The following NUP153 variants were observed in gnomAD, a reference collection of about 807,000 sequenced individuals.
NUP153 encodes nucleoporin 153.
In NUP153, 27 loss-of-function variants were observed where a neutral mutation model predicts 134.6. The ratio of observed to expected loss-of-function variants is 0.20; its 90% confidence interval spans 0.15 to 0.28. The LOEUF (loss-of-function observed/expected upper bound fraction) is 0.28, where lower values mean the gene tolerates loss of function less well. Ranked by LOEUF, NUP153 falls within the 10% of genes least tolerant of loss-of-function variation. NUP153 has a pLI of 1.00. For missense variants in NUP153, 1,821 were observed against 1,731.3 expected (o/e 1.05, Z -0.92); for synonymous variants, 640 against 623.5 (o/e 1.03, Z -0.40).
intron 1 of NUP153, among the ~76,000 whole-genome samples, 181 bp from the exon 2 acceptor site, chr6:17,688,799 T>C (rs889950170): frequency 1.3e-5 from 2 of 152,172 alleles, no homozygotes; most frequent in Non-Finnish European, 2.9e-5. Flanking sequence ...GTGAAATTCT[T>C]TCTTTCTTCT....
In NUP153 at chr6:17,615,693, A is replaced by T. The variant is rs557284003; in HGVS notation, c.*404T>A. 6.3e-6 allele frequency: 1 copy of T among 158,766 alleles called. No homozygotes were observed. Among genetic ancestry groups the T allele is most frequent in the Non-Finnish European group, 1.4e-5 (1 of 72,280 alleles). The allele number at this position is 158,766 out of a possible 1,614,324, so 9.8% of individuals were successfully genotyped here. A position where few individuals can be genotyped will look rare whatever the true frequency, so the allele number is the denominator to read the frequency against. Reference sequence around the variant, plus strand: ...CACTCTCTAATCTATACAGAATTCTAATCTATACAGAATTCCTCAGATATA... The same window carrying T: ...CACTCTCTAATCTATACAGAATTCTTATCTATACAGAATTCCTCAGATATA... On this transcript the variant is annotated 3_prime_UTR_variant, in exon 22 of 22. Coordinates refer to ENST00000262077, the MANE Select transcript of NUP153 (RefSeq NM_005124.4). This position sits in a 1 kb window ranked among gnomAD's most constrained non-coding sequence, Gnocchi z 5.7.
chr6:17,698,065 T>C (rs1209272397), intron 1 of NUP153, among the ~76,000 whole-genome samples: 3 of 152,334 alleles, frequency 2.0e-5, no homozygotes, highest in Middle Eastern at 3.4e-3. Flanking sequence ...CTTTCTCAAA[T>C]AGTTTCACTG....
At chr6:17,657,794 A>C (rs1449496716) in intron 11 of NUP153, among the ~76,000 whole-genome samples, 1 of 152,224 alleles carries the variant, frequency 6.6e-6, no homozygotes, top group Non-Finnish European at 1.5e-5. Context: ...GTTGGTGCAA[A>C]CGTAATTGCA....
At chr6:17,621,959 A>C (rs546374292) in intron 20 of NUP153, among the ~76,000 whole-genome samples, 1 of 152,142 alleles carries the variant, frequency 6.6e-6, no homozygotes, top group East Asian at 1.9e-4. Context: ...AAAACTTTAA[A>C]ATATTTTTTT....
chr6:17,650,031 T>C (rs901400925), intron 11 of NUP153, among the ~76,000 whole-genome samples: 2 of 152,188 alleles, frequency 1.3e-5, no homozygotes, highest in Admixed American at 1.3e-4. Flanking sequence ...AAGAGCACCC[T>C]AAGTCTCCAA....
rs766226481 is a variant in NUP153 at position 17,637,752 on chromosome 6, A to G, written c.1865T>C (p.Ile622Thr). The G allele has an allele frequency of 6.3e-7, 1 of 1,599,676 alleles. No homozygotes were observed. Among genetic ancestry groups the G allele is most frequent in the Admixed American group, 1.7e-5 (1 of 59,674 alleles). ...GGTGGGCTGAGCAGCAACAGAATCT[A>G]TCTTCGGCGATGCGAAACCTACAAT... ...LKSPGFASPK[I>T]DSVAAQPTAT... The change falls in exon 16 of 22, where the codon ATA (isoleucine) becomes ACA (threonine). Residue 622 changes from isoleucine to threonine, a missense_variant. Ile to Thr is a moderately conservative substitution (Grantham distance 89). Transcript: ENST00000262077.
intron 16 of NUP153, among the ~76,000 whole-genome samples, chr6:17,633,934 T>A (rs548124511): frequency 6.9e-6 from 1 of 145,960 alleles, no homozygotes; most frequent in East Asian, 2.1e-4. Flanking sequence ...CAAAAAACAG[T>A]TTCCTAATCT....
intron 9 of NUP153, among the ~76,000 whole-genome samples, chr6:17,664,308 T>C (rs1262295565): frequency 2.0e-5 from 3 of 152,090 alleles, no homozygotes; most frequent in Non-Finnish European, 2.9e-5. Flanking sequence ...CACCACTTTA[T>C]TTATAAAGTG....
At chr6:17,691,531 G>A (rs377664157) in intron 1 of NUP153, among the ~76,000 whole-genome samples, 2 of 152,182 alleles carry the variant, frequency 1.3e-5, no homozygotes, top group Admixed American at 6.5e-5. Flanking sequence ...TTGGGAGGCC[G>A]AGTCTGGTGG....
At position 17,678,352 on chromosome 6, in the gene NUP153, C is replaced by CAA. The variant is rs11428582; in HGVS notation, c.335-2584_335-2583dup. ...GCCTGGTTGACAGAACCCTCTGTCT[C>CAA]AAAAAAAAAAAAAAAAAAAAAAAGA... On this transcript the variant is annotated intron_variant, in intron 2 of 21. Transcript: ENST00000262077. 5.5e-3 allele frequency among the ~76,000 whole-genome samples: 370 copies of CAA among 67,052 alleles called. 6 individuals are homozygous for CAA. Among genetic ancestry groups the CAA allele is most frequent in the South Asian group, 9.0e-3 (16 of 1,786 alleles). 44.0% of individuals were successfully genotyped at this position (67,052 alleles called of 152,430 possible).
chr6:17,706,146 C>G lies in NUP153; in HGVS notation c.111+131G>C. 1 of 724,288 alleles carries G rather than the reference C, an allele frequency of 1.4e-6. No individual in the cohort carries two copies. Among genetic ancestry groups the G allele is most frequent in the East Asian group, 2.7e-5 (1 of 36,600 alleles). The allele number at this position is 724,288 out of a possible 1,614,324, so 44.9% of individuals were successfully genotyped here. On this transcript the variant is annotated intron_variant, in intron 1 of 21. Transcript: ENST00000262077. This position sits in a 1 kb window ranked among gnomAD's most constrained non-coding sequence, Gnocchi z 5.9. ...CCACCCCCAACGGCCTGAGCTCCCCCGGAGCCTCACTCGGGCCTTTCCTCA... is the reference window on the plus strand; with the variant it reads ...CCACCCCCAACGGCCTGAGCTCCCCGGGAGCCTCACTCGGGCCTTTCCTCA...
chr6:17,674,846 C>T, intron 5 of NUP153, 59 bp downstream of exon 5: 1 of 1,233,686 alleles, frequency 8.1e-7, no homozygotes, highest in Non-Finnish European at 1.1e-6. Context: ...ATTTATTATC[C>T]AGTTAAAGTG....
chr6:17,668,677 T>C (rs1055860455), intron 8 of NUP153, among the ~76,000 whole-genome samples: 1 of 151,768 alleles, frequency 6.6e-6, no homozygotes, highest in African/African-American at 2.4e-5. Flanking sequence ...ACCCTATCTC[T>C]ACTAAAAATA....
chr6:17,654,705 GA>G (rs996628332), intron 11 of NUP153, among the ~76,000 whole-genome samples: 8 of 151,612 alleles, frequency 5.3e-5, no homozygotes, highest in Non-Finnish European at 1.0e-4. Flanking sequence ...AATCTAAGAG[GA>G]AAAAAAAGCC....
chr6:17,636,718 T>C (rs1351590583), intron 16 of NUP153, among the ~76,000 whole-genome samples: 1 of 152,206 alleles, frequency 6.6e-6, no homozygotes, highest in Non-Finnish European at 1.5e-5. Flanking sequence ...TTTACAATCA[T>C]TGCAACAGCT....
chr6:17,686,989 C>CA (rs915490275), intron 2 of NUP153, among the ~76,000 whole-genome samples: 3 of 151,784 alleles, frequency 2.0e-5, no homozygotes, highest in Admixed American at 6.6e-5. Flanking sequence ...AGAAGTTATA[C>CA]AAAAAAGCTT....
rs759295538 is a variant in NUP153, at chr6:17,661,080, C to T, written c.1395+573G>A. Among the ~76,000 whole-genome samples the T allele has an allele frequency of 2.0e-5, 3 of 152,054 alleles. No homozygotes were observed. The East Asian group carries it at 5.8e-4, about 29-fold the overall frequency. The stretch of plus-strand genomic sequence containing the variant: ...CTGTAATCCCAGCACTTTGCAAGGC[C>T]GAGGCAGGTGGATCACTTGACATCA... On this transcript the variant is annotated intron_variant, in intron 11 of 21. Coordinates refer to ENST00000262077, the MANE Select transcript of NUP153 (RefSeq NM_005124.4).
intron 11 of NUP153, among the ~76,000 whole-genome samples, chr6:17,650,126 T>C (rs1766428873): frequency 6.6e-6 from 1 of 152,166 alleles, no homozygotes; most frequent in African/African-American, 2.4e-5. Flanking sequence ...TTTAGATATA[T>C]GATAAACTCT....
At chr6:17,647,486 C>G (rs1172277916) in intron 13 of NUP153, among the ~76,000 whole-genome samples, 3 of 152,136 alleles carry the variant, frequency 2.0e-5, no homozygotes, top group Non-Finnish European at 4.4e-5. Context: ...TATATCATGT[C>G]AAATTTCTTG....
Sources: gnomAD v4.1 joint callset for allele counts (sites outside exome capture counted in the v4.1 genomes callset) on GRCh38, gnomAD v4.1.1 for gene constraint, Gnocchi (gnomAD v3.1) non-coding constraint, MANE v1.5 for transcripts, NCBI Gene and HGNC (gene_info 2026-07-23, HGNC 2026-07-21) for gene names.